The following BACH1 variants were observed in gnomAD, a reference collection of about 807,000 sequenced individuals.
BACH1 encodes BTB domain and CNC homolog 1.
A neutral mutation model predicts 52.9 loss-of-function variants in BACH1; 35 were observed. The observed-to-expected ratio is 0.66, with a 90% CI of 0.51 to 0.88. BACH1 has a LOEUF of 0.88. Ranked by LOEUF, BACH1 falls within the 40% of genes least tolerant of loss-of-function variation. BACH1 has a pLI of 0.00. For synonymous variants in BACH1, 321 were observed against 319.6 expected (o/e 1.00, Z -0.05); for missense variants, 808 against 872.6 (o/e 0.93, Z 0.93).
intron 2 of BACH1, chr21:29,352,442 A>G (rs2089208458): frequency 6.6e-6 from 1 of 152,222 alleles, no homozygotes; most frequent in African/African-American, 2.4e-5. Flanking sequence ...GAATTTCCTT[A>G]TATGTATGTC....
At chr21:29,353,589 C>T (rs2089216108) in intron 2 of BACH1, among the ~76,000 whole-genome samples, 1 of 152,184 alleles carries the variant, frequency 6.6e-6, no homozygotes, top group African/African-American at 2.4e-5. Context: ...GACCACCCAC[C>T]TCCAGCCTAC....
intron 1 of BACH1, among the ~76,000 whole-genome samples, chr21:29,313,290 G>A (rs1153287): frequency 0.52 from 79,096 of 152,100 alleles, 21,009 homozygotes; most frequent in South Asian, 0.63. Context: ...CACGTCTTAC[G>A]TAGAGCATTC....
At chr21:29,350,709 C>T (rs765728150), downstream of BACH1, among the ~76,000 whole-genome samples, 3 of 152,178 alleles carry the variant, frequency 2.0e-5, no homozygotes, top group African/African-American at 7.2e-5. Flanking sequence ...AATCAGCCAG[C>T]GCACTCCATC....
intron 2 of BACH1, among the ~76,000 whole-genome samples, chr21:29,360,583 G>A (rs577839407): frequency 1.3e-5 from 2 of 152,164 alleles, no homozygotes; most frequent in South Asian, 2.1e-4. Context: ...AGTGGCTCAC[G>A]CCTGTAATCC....
rs137855212 is a variant in BACH1, at chr21:29,340,486, A to C, written c.1777-1913A>C. On this transcript the variant is annotated intron_variant, in intron 4 of 4. Transcript: ENST00000286800. ...AGATCATGTGGATATTAAGATACAG[A>C]AGTCATAAAATATTTGTAATCTTCA... Among the ~76,000 whole-genome samples the C allele has an allele frequency of 1.1e-3, 169 of 152,354 alleles. 1 individual carries two copies. The highest frequency in any genetic ancestry group is 3.8e-3 in the African/African-American group (159 of 41,588).
intron 4 of BACH1, 53 bp downstream of exon 4, chr21:29,329,746 T>A: frequency 1.5e-6 from 2 of 1,312,646 alleles, no homozygotes; most frequent in Non-Finnish European, 2.0e-6. Flanking sequence ...TTCTTTTTTG[T>A]CAAGGAAATA....
intron 4 of BACH1, among the ~76,000 whole-genome samples, chr21:29,340,700 T>G (rs2089101007): frequency 2.6e-5 from 4 of 152,166 alleles, no homozygotes; most frequent in African/African-American, 9.7e-5. Flanking sequence ...TGAAGAAAGA[T>G]TCTTTCTCAC....
chr21:29,354,352 G>A (rs1420962235), intron 2 of BACH1, among the ~76,000 whole-genome samples: 1 of 152,158 alleles, frequency 6.6e-6, no homozygotes, highest in Non-Finnish European at 1.5e-5. Flanking sequence ...CTTTTGAAAG[G>A]TGTGATATGA....
At chr21:29,322,688 G>A (rs2088862853) in intron 2 of BACH1, among the ~76,000 whole-genome samples, 1 of 152,212 alleles carries the variant, frequency 6.6e-6, no homozygotes, top group Admixed American at 6.5e-5. Context: ...GATACGGTTG[G>A]ATAAACTGTA....
chr21:29,331,049 A>G (rs1406441009), intron 4 of BACH1, among the ~76,000 whole-genome samples: 3 of 151,956 alleles, frequency 2.0e-5, no homozygotes, highest in African/African-American at 4.8e-5. Context: ...ATTCTATAGT[A>G]CTTAGTACTT....
chr21:29,317,621 G>A (rs987817849), intron 1 of BACH1, among the ~76,000 whole-genome samples: 2 of 152,170 alleles, frequency 1.3e-5, no homozygotes, highest in Non-Finnish European at 2.9e-5. Context: ...TAGGACTTGA[G>A]GACGTGTTAA....
At chr21:29,361,585 G>C (rs769775198) in intron 2 of BACH1, 3 of 152,126 alleles carry the variant, frequency 2.0e-5, no homozygotes. Flanking sequence ...CCTACGATCC[G>C]ATCACCAGCC....
intron 1 of BACH1, chr21:29,305,062 A>G (rs2088640682): frequency 2.0e-5 from 3 of 151,710 alleles, no homozygotes; most frequent in Non-Finnish European, 2.9e-5. Flanking sequence ...ATGTCTCTTT[A>G]TCAACTGTTT....
rs550274711 is a variant in BACH1, at chr21:29,308,054, A to G, written c.-61+9101A>G. On this transcript the variant is annotated intron_variant, in intron 1 of 4. Transcript: ENST00000286800. ...TATAATTTTTGTCTCAGATAAATGC[A>G]ATAGTATTTCCCTACTCAGTAGTTC... Among the ~76,000 whole-genome samples, 5 of 152,200 alleles carry G rather than the reference A, an allele frequency of 3.3e-5. No homozygotes were observed. In the East Asian group the frequency reaches 9.6e-4, roughly 29 times the overall value.
intron 4 of BACH1, among the ~76,000 whole-genome samples, chr21:29,340,598 G>A (rs2089100001): frequency 6.6e-6 from 1 of 152,202 alleles, no homozygotes; most frequent in Non-Finnish European, 1.5e-5. Flanking sequence ...TAATTTAAAA[G>A]ACCAACCAGC....
At chr21:29,336,283 T>C (rs2089042934) in intron 4 of BACH1, among the ~76,000 whole-genome samples, 1 of 152,190 alleles carries the variant, frequency 6.6e-6, no homozygotes, top group East Asian at 1.9e-4. Context: ...TCCCTTTACT[T>C]CCCGTAAACT....
At chr21:29,361,598 G>A (rs2089272237) in intron 2 of BACH1, 1 of 152,150 alleles carries the variant, frequency 6.6e-6, no homozygotes, top group South Asian at 2.1e-4. Flanking sequence ...CACCAGCCTG[G>A]GTTTGTAAGT....
chr21:29,320,398 A>G (rs375514287), intron 1 of BACH1, among the ~76,000 whole-genome samples: 1 of 152,210 alleles, frequency 6.6e-6, no homozygotes, highest in East Asian at 1.9e-4. Flanking sequence ...ATAGATAAGC[A>G]TACACGTATT....
intron 2 of BACH1, chr21:29,361,413 G>C (rs1165378726): frequency 6.6e-6 from 1 of 152,184 alleles, no homozygotes; most frequent in Non-Finnish European, 1.5e-5. Flanking sequence ...CAAGGGGAAA[G>C]AGCCGTAGTT....
Sources: gnomAD v4.1 joint callset for allele counts (sites outside exome capture counted in the v4.1 genomes callset) on GRCh38, gnomAD v4.1.1 for gene constraint, MANE v1.5 for transcripts, NCBI Gene and HGNC (gene_info 2026-07-23, HGNC 2026-07-21) for gene names.